The following SERPIND1 variants were observed in gnomAD, a reference collection of about 807,000 sequenced individuals.
The protein encoded by SERPIND1 is serpin family D member 1, also known as heparin cofactor 2.
Under a neutral mutation model 35.0 loss-of-function variants are expected in SERPIND1, and 34 were observed. The observed-to-expected ratio is 0.97, with a 90% CI of 0.74 to 1.29. SERPIND1 has a LOEUF of 1.29. Ranked by LOEUF, SERPIND1 falls within the 50% of genes most tolerant of loss-of-function variation. The probability of loss-of-function intolerance (pLI) is 0.00; values close to 1 mark genes in which losing one functional copy is unlikely to be tolerated. For synonymous variants in SERPIND1, 236 were observed against 241.1 expected (o/e 0.98, Z 0.19); for missense variants, 633 against 637.7 (o/e 0.99, Z 0.08).
chr22:20,774,782 A>G (rs918258233), intron 1 of SERPIND1, among the ~76,000 whole-genome samples: 2 of 151,960 alleles, frequency 1.3e-5, no homozygotes, highest in African/African-American at 2.4e-5. Context: ...AAAAGAAGAA[A>G]AAAGAAAAAA....
chr22:20,776,343 G>T (rs1004617302), intron 1 of SERPIND1, among the ~76,000 whole-genome samples: 3 of 152,174 alleles, frequency 2.0e-5, no homozygotes, highest in South Asian at 4.1e-4. Context: ...AAAATAAAAA[G>T]AAATCGTTTC....
At chr22:20,776,909 T>C (rs140681376) in intron 1 of SERPIND1, among the ~76,000 whole-genome samples, 35 of 152,286 alleles carry the variant, frequency 2.3e-4, no homozygotes, top group Non-Finnish European at 5.0e-4. Flanking sequence ...TGAGTTCAAA[T>C]ATTTGCTTAA....
In SERPIND1 at chr22:20,784,080, T is replaced by C. The variant is rs1188723636; in HGVS notation, c.998T>C (p.Leu333Pro). 1.2e-6 allele frequency: 2 copies of C among 1,614,012 alleles called. No individual in the cohort carries two copies. The highest frequency in any genetic ancestry group is 1.7e-6 in the Non-Finnish European group (2 of 1,180,034). The stretch of plus-strand genomic sequence containing the variant: ...ATGATGCAGACCAAGGGGAACTTCC[T>C]CGCAGCAAATGACCAGGAGCTGGAC... ...VSMMQTKGNFLAANDQELDCD... is the reference protein window; with the variant it reads ...VSMMQTKGNFPAANDQELDCD... Residue 333 changes from leucine to proline, a missense_variant, in exon 3 of 5, where the codon CTC becomes CCC. By Grantham distance (98) the Leu-to-Pro change is moderately conservative. Coordinates refer to ENST00000215727, the MANE Select transcript of SERPIND1 (RefSeq NM_000185.4).
At chr22:20,776,430 C>A (rs1452453759) in intron 1 of SERPIND1, among the ~76,000 whole-genome samples, 2 of 152,210 alleles carry the variant, frequency 1.3e-5, no homozygotes, top group Non-Finnish European at 2.9e-5. Context: ...CTGGAAAAGG[C>A]AACAGGCATT....
chr22:20,787,098 G>A lies in SERPIND1; in HGVS notation c.*32G>A. ...AGGTCTAGGTGTCTGAAGTGCCTTG[G>A]GGGCACCCTCATTTTGTTTCCATTC... On this transcript the variant is annotated 3_prime_UTR_variant, in exon 5 of 5. Transcript: ENST00000215727. The A allele has an allele frequency of 6.3e-7, 1 of 1,582,652 alleles. No individual in the cohort carries two copies. The highest frequency in any genetic ancestry group is 8.7e-7 in the Non-Finnish European group (1 of 1,151,994).
At chr22:20,779,067 T>A (rs1214905598) in intron 1 of SERPIND1, 1 of 987,152 alleles carries the variant, frequency 1.0e-6, no homozygotes, top group Non-Finnish European at 1.4e-6. Flanking sequence ...AGAAGGGATT[T>A]TCATCAAGGG....
rs766120104 is a variant in SERPIND1 at position 20,779,344 on chromosome 22, TC to T, written c.34del (p.Leu12SerfsTer3). 2 of 1,614,240 alleles carry T rather than the reference TC, an allele frequency of 1.2e-6. No homozygotes were observed. The highest frequency in any genetic ancestry group is 1.7e-6 in the Non-Finnish European group (2 of 1,180,046). MKHSLNALLI[F>X]LIITSAWGGS... ...CACTCATTAAACGCACTTCTCATTTTCCTCATCATAACATCTGCGTGGGGTG... is the reference window on the plus strand; with the variant it reads ...CACTCATTAAACGCACTTCTCATTTTCTCATCATAACATCTGCGTGGGGTG... On this transcript the variant is annotated frameshift_variant, in exon 2 of 5. Transcript: ENST00000215727. LOFTEE classifies it high-confidence loss of function.
rs751809866 is a variant in SERPIND1, at chr22:20,784,257, T to C, written c.1163+12T>C. The stretch of plus-strand genomic sequence containing the variant: ...AGCATGACAAACAGGTATTTCACAC[T>C]GTGTGTTTGTTCTTTTGAGCTCCCA... On this transcript the variant is annotated intron_variant, in intron 3 of 4. Transcript: ENST00000215727. 2.3e-5 allele frequency: 37 copies of C among 1,613,906 alleles called. No homozygotes were observed. Among genetic ancestry groups the C allele is most frequent in the African/African-American group, 9.3e-5 (7 of 74,902 alleles).
intron 2 of SERPIND1, 21 bp from the exon 3 acceptor site, chr22:20,783,951 C>T: frequency 6.2e-7 from 1 of 1,614,198 alleles, no homozygotes; most frequent in Non-Finnish European, 8.5e-7. Context: ...TCATAACAGC[C>T]TCTTCCTGTG....
rs17853377 is a variant in SERPIND1, at chr22:20,784,208, C to T, written c.1126C>T (p.Arg376Trp). The T allele has an allele frequency of 9.3e-6, 15 of 1,613,988 alleles. No homozygotes were observed. The highest frequency in any genetic ancestry group is 8.3e-5 in the Admixed American group (5 of 59,978). The change falls in exon 3 of 5, where the codon CGG becomes TGG. Residue 376 changes from arginine to tryptophan, a missense_variant. Transcript: ENST00000215727. ...GACCCTCGAAGCGCAACTGACACCC[C>T]GGGTGGTGGAGAGATGGCAAAAAAG... ...MKTLEAQLTPRVVERWQKSMT... is the reference protein window; with the variant it reads ...MKTLEAQLTPWVVERWQKSMT...
At chr22:20,785,138 T>C (rs1281271355) in intron 3 of SERPIND1, among the ~76,000 whole-genome samples, 1 of 151,158 alleles carries the variant, frequency 6.6e-6, no homozygotes, top group Non-Finnish European at 1.5e-5. Context: ...GGCATCATCA[T>C]GGCTCACTGC....
chr22:20,778,730 T>A (rs940101086), intron 1 of SERPIND1, among the ~76,000 whole-genome samples: 2 of 152,118 alleles, frequency 1.3e-5, no homozygotes, highest in Non-Finnish European at 2.9e-5. Flanking sequence ...TACTCTCCAA[T>A]CACCAGCCCC....
Position 20,786,905 on chromosome 22 carries a change from G to A in SERPIND1, c.1339G>A (p.Glu447Lys), listed in dbSNP as rs142451096. Residue 447 changes from glutamate to lysine, a missense_variant, in exon 5 of 5, where the codon GAG becomes AAG. Transcript: ENST00000215727. ...FKHQGTITVNEEGTQATTVTT... is the reference protein window; with the variant it reads ...FKHQGTITVNKEGTQATTVTT... ...GCACCAAGGCACGATCACAGTGAAC[G>A]AGGAAGGCACCCAAGCCACCACTGT... 78 of 1,614,052 alleles carry A rather than the reference G, an allele frequency of 4.8e-5. No homozygotes were observed. Among genetic ancestry groups the A allele is most frequent in the Non-Finnish European group, 6.1e-5 (72 of 1,180,046 alleles).
chr22:20,787,450 G>A lies in SERPIND1; in HGVS notation c.*384G>A, dbSNP rs1043711535. 5 of 342,598 alleles carry A rather than the reference G, an allele frequency of 1.5e-5. No homozygotes were observed. The highest frequency in any genetic ancestry group is 2.4e-5 in the South Asian group (1 of 41,140). The allele number at this position is 342,598 out of a possible 1,614,324, so 21.2% of individuals were successfully genotyped here. A position where few individuals can be genotyped will look rare whatever the true frequency, so the allele number is the denominator to read the frequency against. ...ACCAGGCCCCTCATCTGAATACCAAGCACAGAAATGAGTGGTGTGACTAAT... is the reference window on the plus strand; with the variant it reads ...ACCAGGCCCCTCATCTGAATACCAAACACAGAAATGAGTGGTGTGACTAAT... On this transcript the variant is annotated 3_prime_UTR_variant, in exon 5 of 5. Transcript: ENST00000215727.
chr22:20,782,842 G>A (rs73162812), intron 2 of SERPIND1, among the ~76,000 whole-genome samples: 10,550 of 152,194 alleles, frequency 0.069, 353 homozygotes, highest in East Asian at 0.078. Context: ...GAGAAACCCT[G>A]GGTGAGGCAG....
At chr22:20,777,306 T>C (rs1201306403) in intron 1 of SERPIND1, among the ~76,000 whole-genome samples, 1 of 151,896 alleles carries the variant, frequency 6.6e-6, no homozygotes, top group Non-Finnish European at 1.5e-5. Flanking sequence ...AACCTCTGCC[T>C]CCTGAATTCA....
chr22:20,786,056 G>C lies in SERPIND1; in HGVS notation c.1216G>C (p.Val406Leu). Residue 406 changes from valine to leucine, a missense_variant, in exon 4 of 5, where the codon GTG becomes CTG. By Grantham distance (32) the Val-to-Leu change is conservative (BLOSUM62 1). Transcript: ENST00000215727. The stretch of plus-strand genomic sequence containing the variant: ...CAAGCTGGAGAAGAACTACAATCTA[G>C]TGGAGTCCCTGAAGTTGATGGGGAT... ...KFKLEKNYNL[V>L]ESLKLMGIRM... 1 of 1,614,158 alleles carries C rather than the reference G, an allele frequency of 6.2e-7. No individual in the cohort carries two copies.
chr22:20,785,860 C>A lies in SERPIND1; in HGVS notation c.1164-144C>A, dbSNP rs966425015. ...GGAGTGTGCTTCCTAAAATCCTCAACTGACAGTCCCGGAATATAAATTTTA... is the reference window on the plus strand; with the variant it reads ...GGAGTGTGCTTCCTAAAATCCTCAAATGACAGTCCCGGAATATAAATTTTA... On this transcript the variant is annotated intron_variant, in intron 3 of 4. Transcript: ENST00000215727. 2.2e-5 allele frequency: 26 copies of A among 1,195,140 alleles called. No homozygotes were observed. The African/African-American group carries it at 2.6e-4, about 12-fold the overall frequency. The allele number at this position is 1,195,140 out of a possible 1,614,324, so 74.0% of individuals were successfully genotyped here. A position where few individuals can be genotyped will look rare whatever the true frequency, so the allele number is the denominator to read the frequency against.
At chr22:20,781,499 A>G (rs1933796630) in intron 2 of SERPIND1, among the ~76,000 whole-genome samples, 1 of 152,222 alleles carries the variant, frequency 6.6e-6, no homozygotes, top group Admixed American at 6.5e-5. Context: ...GCTTCTGTTC[A>G]GGGAAAGGGG....
Sources: allele counts gnomAD v4.1 joint callset (sites outside exome capture counted in the v4.1 genomes callset), GRCh38; gene constraint gnomAD v4.1.1; transcripts MANE v1.5; gene names NCBI Gene and HGNC (gene_info 2026-07-23, HGNC 2026-07-21).